The following EXD3 variants were observed in gnomAD, a reference collection of about 807,000 sequenced individuals.
The protein encoded by EXD3 is exonuclease 3'-5' domain containing 3.
EXD3 carries 92 observed loss-of-function variants against 98.0 expected under a neutral mutation model. The observed-to-expected ratio is 0.94, with a 90% CI of 0.79 to 1.12. EXD3 has a LOEUF of 1.12. EXD3 is among the 50% of genes most tolerant of loss of function. The pLI, the probability that EXD3 is intolerant of heterozygous loss-of-function variation, is 0.00. For missense variants in EXD3, 1,222 were observed against 1,191.6 expected, an observed-to-expected ratio of 1.03 and a Z score of -0.38; for synonymous variants, 569 against 526.0, an observed-to-expected ratio of 1.08 and a Z score of -1.12.
At chr9:137,355,625 GGAT>G (rs1248170273) in intron 8 of EXD3, among the ~76,000 whole-genome samples, 11 of 37,848 alleles carry the variant, frequency 2.9e-4, no homozygotes, top group South Asian at 1.1e-3. Flanking sequence ...GAGGAAGGGA[GGAT>G]GGAGGAAGGA....
At position 137,306,973 on chromosome 9, in the gene EXD3, T is replaced by C. The variant is rs1831072708; in HGVS notation, c.2608A>G (p.Ser870Gly). The C allele has an allele frequency of 6.3e-7, 1 of 1,592,148 alleles. No individual in the cohort carries two copies. The highest frequency in any genetic ancestry group is 1.7e-5 in the Admixed American group (1 of 58,060). Reference sequence around the variant, plus strand: ...CCTCAGAAGGGACTGCTGGCCGGGCTGGGGGCTGGGCTCGGCTCGCAGGGG... The same window carrying C: ...CCTCAGAAGGGACTGCTGGCCGGGCCGGGGGCTGGGCTCGGCTCGCAGGGG... The part of the protein sequence containing the change: ...PSPCEPSPAP[S>G]PASSPF Residue 870 changes from serine to glycine, a missense_variant, in exon 22 of 22, where the codon AGC (serine) becomes GGC (glycine). Coordinates refer to ENST00000340951, the MANE Select transcript of EXD3 (RefSeq NM_017820.5).
intron 17 of EXD3, among the ~76,000 whole-genome samples, chr9:137,338,458 T>C (rs1341237417): frequency 1.3e-5 from 2 of 151,848 alleles, no homozygotes; most frequent in African/African-American, 4.8e-5. Flanking sequence ...ATTAAAGAGC[T>C]AAGCAACGCC....
Position 137,419,887 on chromosome 9 carries a change from C to T in EXD3, c.-48+3227G>A, listed in dbSNP as rs548893498. Among the ~76,000 whole-genome samples, 61 of 151,492 alleles carry T rather than the reference C, an allele frequency of 4.0e-4. No individual in the cohort carries two copies. The East Asian group carries it at 5.5e-3, about 14-fold the overall frequency. ...TCATACAGAAAAAAGCGGCCGGGCG[C>T]GGTGGCTCATGCCTGTAATCCCAGC... On this transcript the variant is annotated intron_variant, in intron 1 of 21. Transcript: ENST00000340951.
chr9:137,403,985 A>G lies in EXD3; in HGVS notation c.-47-8581T>C, dbSNP rs909217298. Among the ~76,000 whole-genome samples the G allele has an allele frequency of 7.1e-6, 1 of 140,228 alleles. No homozygotes were observed. The highest frequency in any genetic ancestry group is 1.5e-5 in the Non-Finnish European group (1 of 65,112). 92.0% of individuals were successfully genotyped at this position (140,228 alleles called of 152,430 possible). A position where few individuals can be genotyped will look rare whatever the true frequency, so the allele number is the denominator to read the frequency against. ...GCACCACACACAGGGCGCGAGTGAC[A>G]GGGACGTGTGTCCTCACTGTCCCGA... On this transcript the variant is annotated intron_variant, in intron 1 of 21. Transcript: ENST00000340951. The surrounding 1 kb of genome is among the most constrained non-coding windows in gnomAD (Gnocchi z 6.1).
chr9:137,351,868 T>A (rs1588323797), intron 12 of EXD3, among the ~76,000 whole-genome samples, 198 bp downstream of exon 12: 1 of 152,164 alleles, frequency 6.6e-6, no homozygotes, highest in African/African-American at 2.4e-5. Flanking sequence ...CAGCACTGGG[T>A]AAATGCCAGC....
Position 137,347,061 on chromosome 9 carries a change from G to A in EXD3, c.1998+1010C>T, listed in dbSNP as rs535688885. Among the ~76,000 whole-genome samples, 4 of 152,204 alleles carry A rather than the reference G, an allele frequency of 2.6e-5. No individual in the cohort carries two copies. The highest frequency in any genetic ancestry group is 4.4e-5 in the Non-Finnish European group (3 of 68,008). On this transcript the variant is annotated intron_variant, in intron 17 of 21. Coordinates refer to ENST00000340951, the MANE Select transcript of EXD3 (RefSeq NM_017820.5). This position sits in a 1 kb window ranked among gnomAD's most constrained non-coding sequence, Gnocchi z 4.2. ...GAACCCCTGACCTTGTGATCCACCCGCCTCGGCCTCCCAGAGTGCAGGGAT... is the reference window on the plus strand; with the variant it reads ...GAACCCCTGACCTTGTGATCCACCCACCTCGGCCTCCCAGAGTGCAGGGAT...
rs1165426231 is a variant in EXD3, at chr9:137,365,636, T to C, written c.656+857A>G. 5.5e-5 allele frequency: 9 copies of C among 163,982 alleles called. No homozygotes were observed. In the East Asian group the frequency reaches 1.1e-3, roughly 19 times the overall value. The allele number at this position is 163,982 out of a possible 1,614,324, so 10.2% of individuals were successfully genotyped here. The stretch of plus-strand genomic sequence containing the variant: ...ACGCACACCTGCAGGCACACACACG[T>C]GCACACACATACATGTACACACACC... On this transcript the variant is annotated intron_variant, in intron 7 of 21. Transcript: ENST00000340951.
At position 137,349,774 on chromosome 9, in the gene EXD3, G is replaced by A. The variant is rs1758810773; in HGVS notation, c.1495-243C>T. 6.6e-6 allele frequency among the ~76,000 whole-genome samples: 1 copy of A among 152,128 alleles called. No individual in the cohort carries two copies. The highest frequency in any genetic ancestry group is 2.1e-4 in the South Asian group (1 of 4,830). On this transcript the variant is annotated intron_variant, in intron 14 of 21. Coordinates refer to ENST00000340951, the MANE Select transcript of EXD3 (RefSeq NM_017820.5). The surrounding 1 kb of genome is among the most constrained non-coding windows in gnomAD (Gnocchi z 7.4). ...GGGGGCCCTGGTCAGCAGTCCCACG[G>A]TAACCCCGCCCAGCCCCTCACAGCC...
intron 17 of EXD3, among the ~76,000 whole-genome samples, chr9:137,328,141 A>C (rs201483345): frequency 9.0e-4 from 19 of 21,118 alleles, no homozygotes; most frequent in Admixed American, 2.0e-3. Context: ...ACAACGAATA[A>C]ACACCGACAT....
chr9:137,333,315 C>T (rs557178651), intron 17 of EXD3, among the ~76,000 whole-genome samples: 2 of 152,304 alleles, frequency 1.3e-5, no homozygotes, highest in South Asian at 4.1e-4. Flanking sequence ...CTTCCTGGCT[C>T]CTTAACTTGC....
intron 2 of EXD3, among the ~76,000 whole-genome samples, chr9:137,394,825 G>A (rs1837125803): frequency 6.6e-6 from 1 of 152,164 alleles, no homozygotes; most frequent in South Asian, 2.1e-4. Flanking sequence ...GATGAAAAAT[G>A]CCTCAGTTTA....
chr9:137,376,212 C>T (rs1195422001), intron 3 of EXD3, among the ~76,000 whole-genome samples: 9 of 151,758 alleles, frequency 5.9e-5, no homozygotes, highest in African/African-American at 1.9e-4. Context: ...GGCATGGTGG[C>T]GGGCGACTGT....
intron 1 of EXD3, among the ~76,000 whole-genome samples, chr9:137,408,982 C>T (rs779268689): frequency 2.0e-5 from 3 of 152,350 alleles, no homozygotes; most frequent in Non-Finnish European, 4.4e-5. Flanking sequence ...AGGGGGCAGT[C>T]GGCCTGTCCC....
At chr9:137,402,177 G>A (rs1464648536) in intron 1 of EXD3, among the ~76,000 whole-genome samples, 6 of 151,948 alleles carry the variant, frequency 3.9e-5, no homozygotes, top group South Asian at 4.2e-4. Flanking sequence ...CACCACGCCC[G>A]GCTAATTTTT....
Position 137,307,146 on chromosome 9 carries a change from T to C in EXD3, c.2435A>G (p.Gln812Arg), listed in dbSNP as rs760916828. 6.9e-6 allele frequency: 11 copies of C among 1,594,092 alleles called. No homozygotes were observed. The African/African-American group carries it at 1.5e-4, about 21-fold the overall frequency. Residue 812 changes from glutamine (Q) to arginine (R), a missense_variant, in exon 22 of 22, where the codon CAG becomes CGG. Physicochemically the swap from Gln to Arg is conservative, Grantham distance 43. Transcript: ENST00000340951. ...CACACCCACCGGGACCCCTGCCAGC[T>C]GCAGCCGGGTGCCGTCGGCCAGCAT... ...PDMLADGTRL[Q>R]LAGVPVGVLR... is the part of the protein sequence containing the mutation.
At chr9:137,374,761 A>T (rs1835810241) in intron 3 of EXD3, 1 of 985,248 alleles carries the variant, frequency 1.0e-6, no homozygotes, top group African/African-American at 1.7e-5. Context: ...GTCCCTCGGG[A>T]CTCTGGGAAG....
rs117266043 is a variant in EXD3, at chr9:137,319,507, A to G, written c.2184+4218T>C. On this transcript the variant is annotated intron_variant, in intron 19 of 21. Transcript: ENST00000340951. ...GTTCAGCTGGGAGCACTGAGGCTGC[A>G]GTGCTGCTGGAGTGGGTGGTGGGAA... Among the ~76,000 whole-genome samples the G allele has an allele frequency of 0.012, 1,806 of 152,300 alleles. 80 individuals carry two copies. In the East Asian group the frequency reaches 0.15, roughly 13 times the overall value.
At chr9:137,375,016 G>GT (rs137895950) in intron 3 of EXD3, 7,876 of 263,000 alleles carry the variant, frequency 0.03, 223 homozygotes, top group African/African-American at 0.11. Flanking sequence ...CCCTAGTTTT[G>GT]TTTTTTTTTT....
chr9:137,326,541 A>C (rs1325761835), intron 17 of EXD3, among the ~76,000 whole-genome samples: 1 of 152,200 alleles, frequency 6.6e-6, no homozygotes, highest in African/African-American at 2.4e-5. Flanking sequence ...GAAAAAAAAC[A>C]GTTGGCAAAG....
Sources: allele counts gnomAD v4.1 joint callset (sites outside exome capture counted in the v4.1 genomes callset), GRCh38; gene constraint gnomAD v4.1.1; non-coding constraint Gnocchi (gnomAD v3.1); transcripts MANE v1.5; gene names NCBI Gene and HGNC (gene_info 2026-07-23, HGNC 2026-07-21).